The following WDR17 variants were observed in gnomAD, a reference collection of about 807,000 sequenced individuals.
WDR17 encodes WD repeat domain 17.
Under a neutral mutation model 161.7 loss-of-function variants are expected in WDR17, and 143 were observed. The observed-to-expected ratio is 0.88, with a 90% CI of 0.77 to 1.02. The LOEUF (loss-of-function observed/expected upper bound fraction) is 1.02. Among genes scored for constraint, WDR17 ranks in the 50% least tolerant of loss-of-function variants. The pLI is 0.00. For synonymous variants in WDR17, 517 were observed against 515.6 expected (o/e 1.00, Z -0.04); for missense variants, 1,469 against 1,520.9 (o/e 0.97, Z 0.57).
At chr4:176,176,901 C>T (rs929692422) in intron 26 of WDR17, among the ~76,000 whole-genome samples, 157 bp from the exon 27 acceptor site, 5 of 152,078 alleles carry the variant, frequency 3.3e-5, no homozygotes, top group Non-Finnish European at 7.3e-5. Flanking sequence ...AGCATATATA[C>T]GCATATACTA....
At chr4:176,074,286 C>T (rs912959962) in intron 1 of WDR17, among the ~76,000 whole-genome samples, 1 of 151,946 alleles carries the variant, frequency 6.6e-6, no homozygotes, top group Non-Finnish European at 1.5e-5. Flanking sequence ...AAAAAAATTA[C>T]AATGTGAGCT....
intron 6 of WDR17, among the ~76,000 whole-genome samples, chr4:176,130,661 C>T (rs1411777290): frequency 4.0e-5 from 6 of 150,444 alleles, no homozygotes; most frequent in East Asian, 2.0e-4. Flanking sequence ...AAGAGAATGG[C>T]GTCAACCTGG....
intron 1 of WDR17, among the ~76,000 whole-genome samples, chr4:176,074,138 G>A (rs1561063319): frequency 1.3e-5 from 2 of 151,642 alleles, no homozygotes; most frequent in Non-Finnish European, 2.9e-5. Flanking sequence ...GGCTTTTGTT[G>A]CCATTGCTTT....
intron 28 of WDR17, among the ~76,000 whole-genome samples, chr4:176,178,437 C>T (rs1751775048): frequency 6.6e-6 from 1 of 152,068 alleles, no homozygotes; most frequent in Admixed American, 6.6e-5. Flanking sequence ...GTACGTGGTA[C>T]CTTCAGGTTT....
At chr4:176,100,019 A>G (rs1455923634) in intron 1 of WDR17, among the ~76,000 whole-genome samples, 1 of 152,202 alleles carries the variant, frequency 6.6e-6, no homozygotes, top group Non-Finnish European at 1.5e-5. Flanking sequence ...TAGCTTTGCT[A>G]TTGCAAATAG....
intron 1 of WDR17, among the ~76,000 whole-genome samples, chr4:176,081,847 T>C (rs1038406003): frequency 6.6e-6 from 1 of 152,146 alleles, no homozygotes; most frequent in African/African-American, 2.4e-5. Flanking sequence ...GAAATTACTA[T>C]GACTGACATA....
At chr4:176,135,001 A>G in intron 7 of WDR17, 107 bp from the exon 8 acceptor site, 1 of 1,133,788 alleles carries the variant, frequency 8.8e-7, no homozygotes, top group South Asian at 1.5e-5. Context: ...TTGCATTAAT[A>G]TTTGGAAAAC....
In WDR17 at chr4:176,180,687, C is replaced by A. The variant is rs1309620585; in HGVS notation, c.*1108C>A. On this transcript the variant is annotated 3_prime_UTR_variant, in exon 29 of 29. Coordinates refer to ENST00000508596, the MANE Select transcript of WDR17 (RefSeq NM_181265.4). The stretch of plus-strand genomic sequence containing the variant: ...TCGCACCACTGCACTCCAGCCTGGG[C>A]AACAAAGAGCGAAACTCTGTCTCAA... 6.6e-6 allele frequency: 1 copy of A among 152,040 alleles called. No homozygotes were observed. 9.4% of individuals were successfully genotyped at this position (152,040 alleles called of 1,614,324 possible).
At chr4:176,123,222 AACTGTT>A (rs1299426417) in intron 4 of WDR17, among the ~76,000 whole-genome samples, 1 of 152,174 alleles carries the variant, frequency 6.6e-6, no homozygotes, top group African/African-American at 2.4e-5. Flanking sequence ...CTCTCTATAT[AACTGTT>A]ACTTAGTGGA....
intron 17 of WDR17, 91 bp downstream of exon 17, chr4:176,152,058 C>A: frequency 7.2e-7 from 1 of 1,384,004 alleles, no homozygotes; most frequent in Non-Finnish European, 9.7e-7. Flanking sequence ...AAATAAAAAG[C>A]TCAGCACTTT....
intron 5 of WDR17, 132 bp from the exon 6 acceptor site, chr4:176,128,606 T>G: frequency 3.6e-6 from 3 of 838,726 alleles, no homozygotes. Context: ...TACTGTATGG[T>G]ATTGTTGTTA....
At chr4:176,066,647 A>G (rs1732566876) in intron 1 of WDR17, among the ~76,000 whole-genome samples, 2 of 152,206 alleles carry the variant, frequency 1.3e-5, no homozygotes, top group African/African-American at 2.4e-5. Context: ...ATTGAAAGGA[A>G]CAAACAATTT....
At chr4:176,161,103 C>G (rs1398939140) in intron 20 of WDR17, 101 bp downstream of exon 20, 1 of 850,700 alleles carries the variant, frequency 1.2e-6, no homozygotes, top group Admixed American at 3.1e-5. Flanking sequence ...ATACTGATGA[C>G]TTGACTGCCT....
chr4:176,103,015 G>C (rs927361947), intron 1 of WDR17, among the ~76,000 whole-genome samples: 3 of 152,136 alleles, frequency 2.0e-5, no homozygotes, highest in African/African-American at 7.2e-5. Flanking sequence ...CAGACAAAGA[G>C]GCAGGCAGCC....
At chr4:176,155,545 G>GTGTTTTTTTTTTTT (rs1747939051) in intron 17 of WDR17, among the ~76,000 whole-genome samples, 2 of 105,246 alleles carry the variant, frequency 1.9e-5, no homozygotes, top group Non-Finnish European at 3.8e-5. Flanking sequence ...ATTTGTTTGT[G>GTGTTTTTTTTTTTT]TTTTTTTTTT....
chr4:176,085,864 A>G (rs1735356239), intron 1 of WDR17, among the ~76,000 whole-genome samples: 1 of 151,908 alleles, frequency 6.6e-6, no homozygotes, highest in South Asian at 2.1e-4. Context: ...TCCAGTTTTT[A>G]AAGATAGAAA....
At chr4:176,073,952 G>GT (rs1276504887) in intron 1 of WDR17, among the ~76,000 whole-genome samples, 5 of 149,974 alleles carry the variant, frequency 3.3e-5, no homozygotes, top group African/African-American at 7.3e-5. Context: ...TGATGGGGTT[G>GT]TTTTTTTCTT....
At chr4:176,160,801 G>A in intron 19 of WDR17, 110 bp from the exon 20 acceptor site, 1 of 848,990 alleles carries the variant, frequency 1.2e-6, no homozygotes, top group Non-Finnish European at 1.7e-6. Context: ...CCAAATTATA[G>A]TATAAATTTC....
chr4:176,065,879 C>A lies in WDR17; in HGVS notation c.-207C>A, dbSNP rs982137396. On this transcript the variant is annotated 5_prime_UTR_variant, in exon 1 of 29. Transcript: ENST00000508596. ...AGATCGGGCTCGCGGCGCCTTCCAT[C>A]GTGGCTCCGCGCTGGGGCTTGCGGA... The A allele has an allele frequency of 6.6e-6, 1 of 152,152 alleles. No individual in the cohort carries two copies. The highest frequency in any genetic ancestry group is 1.5e-5 in the Non-Finnish European group (1 of 68,032). The allele number at this position is 152,152 out of a possible 1,614,324, so 9.4% of individuals were successfully genotyped here.
Sources: allele counts gnomAD v4.1 joint callset (sites outside exome capture counted in the v4.1 genomes callset), GRCh38; gene constraint gnomAD v4.1.1; transcripts MANE v1.5; gene names NCBI Gene and HGNC (gene_info 2026-07-23, HGNC 2026-07-21).